The following PHAF1 variants were observed in gnomAD, a reference collection of about 807,000 sequenced individuals.
PHAF1 encodes the protein phagosome assembly factor 1.
Under a neutral mutation model 63.1 loss-of-function variants are expected in PHAF1, and 23 were observed. That is an observed-to-expected ratio of 0.36 (90% CI 0.26 to 0.52). The LOEUF (loss-of-function observed/expected upper bound fraction) is 0.52. Ranked by LOEUF, PHAF1 falls within the 20% of genes least tolerant of loss-of-function variation. The pLI, the probability that PHAF1 is intolerant of heterozygous loss-of-function variation, is 0.93. For missense variants in PHAF1, 427 were observed against 517.2 expected, an observed-to-expected ratio of 0.83 and a Z score of 1.69; for synonymous variants, 167 against 185.0, an observed-to-expected ratio of 0.90 and a Z score of 0.79.
At chr16:67,129,919 A>G (rs144176468) in intron 3 of PHAF1, among the ~76,000 whole-genome samples, 22 of 152,334 alleles carry the variant, frequency 1.4e-4, no homozygotes, top group Non-Finnish European at 2.8e-4. Context: ...GATCCTCTTC[A>G]TCAGGGACAT....
At chr16:67,146,438 G>A (rs2030082149) in intron 15 of PHAF1, 88 bp downstream of exon 15, 3 of 1,357,976 alleles carry the variant, frequency 2.2e-6, no homozygotes, top group Non-Finnish European at 2.1e-6. Flanking sequence ...AATTGGGGAG[G>A]GCATCACTGC....
intron 1 of PHAF1, among the ~76,000 whole-genome samples, chr16:67,117,086 G>A (rs894895361): frequency 2.6e-5 from 4 of 151,614 alleles, no homozygotes; most frequent in Admixed American, 6.6e-5. Flanking sequence ...AAGTTGGAGC[G>A]CAGTGGCACG....
intron 1 of PHAF1, among the ~76,000 whole-genome samples, chr16:67,114,592 G>A (rs1468651841): frequency 6.6e-6 from 1 of 151,756 alleles, no homozygotes; most frequent in Non-Finnish European, 1.5e-5. Flanking sequence ...AGGAGAAAAG[G>A]TAGATGATGT....
At chr16:67,146,454 T>C (rs2030085341) in intron 15 of PHAF1, 104 bp downstream of exon 15, 1 of 1,196,758 alleles carries the variant, frequency 8.4e-7, no homozygotes, top group Non-Finnish European at 1.2e-6. Context: ...ACTGCCATAG[T>C]GGGCAGATTC....
intron 2 of PHAF1, among the ~76,000 whole-genome samples, chr16:67,121,028 CAG>C (rs1962947043): frequency 6.6e-6 from 1 of 152,150 alleles, no homozygotes; most frequent in Non-Finnish European, 1.5e-5. Context: ...ACCCCTCTAC[CAG>C]CCTAGTGAGA....
At chr16:67,124,929 C>A (rs1963128141) in intron 2 of PHAF1, among the ~76,000 whole-genome samples, 1 of 151,564 alleles carries the variant, frequency 6.6e-6, no homozygotes, top group African/African-American at 2.4e-5. Context: ...GTAACTAAAC[C>A]TTTTGAGCAG....
chr16:67,117,543 C>T (rs1186035767), intron 1 of PHAF1, among the ~76,000 whole-genome samples: 6 of 150,872 alleles, frequency 4.0e-5, no homozygotes, highest in Admixed American at 3.3e-4. Context: ...TTTGGGAGGC[C>T]GAGGCGGTGG....
Position 67,109,976 on chromosome 16 carries a change from C to T in PHAF1, c.-200C>T, listed in dbSNP as rs1962436606. On this transcript the variant is annotated 5_prime_UTR_variant, in exon 1 of 16. Transcript: ENST00000219139. ...CCGCCGCCGTCGTTGCCCCCGCTGC[C>T]GCGGCTGCTGCAGGTGAGGTGAAGT... 2 of 535,234 alleles carry T rather than the reference C, an allele frequency of 3.7e-6. No homozygotes were observed. The highest frequency in any genetic ancestry group is 3.3e-5 in the East Asian group (1 of 30,372). 33.2% of individuals were successfully genotyped at this position (535,234 alleles called of 1,614,324 possible).
intron 1 of PHAF1, among the ~76,000 whole-genome samples, chr16:67,118,135 T>A (rs1217314454): frequency 6.8e-6 from 1 of 146,966 alleles, no homozygotes; most frequent in African/African-American, 2.5e-5. Flanking sequence ...TTTTTTTTTT[T>A]TTTTTTTTTT....
Position 67,145,403 on chromosome 16 carries a change from G to A in PHAF1, c.1034G>A (p.Cys345Tyr). Reference sequence around the variant, plus strand: ...AACGCAGATGGTCAGACAGAAACATGCACGACCTACAGCAAGGTGAGCACC... The same window carrying A: ...AACGCAGATGGTCAGACAGAAACATACACGACCTACAGCAAGGTGAGCACC... ...KENADGQTET[C>Y]TTYSKWDNIQ... Residue 345 changes from cysteine (C) to tyrosine (Y), a missense_variant, in exon 13 of 16, where the codon TGC (cysteine) becomes TAC (tyrosine). Coordinates refer to ENST00000219139, the MANE Select transcript of PHAF1 (RefSeq NM_025187.5). 2 of 1,614,122 alleles carry A rather than the reference G, an allele frequency of 1.2e-6. No individual in the cohort carries two copies. Among genetic ancestry groups the A allele is most frequent in the Middle Eastern group, 3.3e-4 (2 of 6,062 alleles).
chr16:67,133,581 C>T (rs539348940), intron 6 of PHAF1, among the ~76,000 whole-genome samples: 1 of 151,314 alleles, frequency 6.6e-6, no homozygotes, highest in Non-Finnish European at 1.5e-5. Flanking sequence ...CCGAGGCGGG[C>T]CTCCTGGCTA....
At chr16:67,133,426 G>A (rs183175219) in intron 6 of PHAF1, among the ~76,000 whole-genome samples, 4 of 151,602 alleles carry the variant, frequency 2.6e-5, no homozygotes, top group Middle Eastern at 3.4e-3. Flanking sequence ...AGGCCAAGGC[G>A]GGCGGATGAC....
chr16:67,122,593 G>A (rs925252715), intron 2 of PHAF1, among the ~76,000 whole-genome samples: 4 of 151,344 alleles, frequency 2.6e-5, no homozygotes, highest in African/African-American at 9.7e-5. Context: ...AAAAAAAATG[G>A]GTTTTTGAGT....
In PHAF1 at chr16:67,147,585, G is replaced by A. The variant is rs143005399; in HGVS notation, c.*454G>A. 1.6e-3 allele frequency: 259 copies of A among 159,390 alleles called. 1 individual carries two copies. The highest frequency in any genetic ancestry group is 5.8e-3 in the African/African-American group (242 of 41,822). The allele number at this position is 159,390 out of a possible 1,614,324, so 9.9% of individuals were successfully genotyped here. ...TAGCGTGTCCATAGTACTTGGTTGC[G>A]ACATTTGCACTACATCCACTTTAGT... is the stretch of plus-strand genomic sequence containing the variant. On this transcript the variant is annotated 3_prime_UTR_variant, in exon 16 of 16. Coordinates refer to ENST00000219139, the MANE Select transcript of PHAF1 (RefSeq NM_025187.5).
At chr16:67,121,122 C>T (rs987336699) in intron 2 of PHAF1, among the ~76,000 whole-genome samples, 4 of 152,072 alleles carry the variant, frequency 2.6e-5, no homozygotes, top group Non-Finnish European at 1.5e-5. Context: ...TATGACAGAA[C>T]AGGAGACTTG....
At position 67,147,257 on chromosome 16, in the gene PHAF1, C is replaced by G. The variant is rs772886766; in HGVS notation, c.*126C>G. ...AGTGCTGAAGGGCTGTTGTGATGTTCTGAGGTTGGGCTCAGGCTGGGTGCT... is the reference window on the plus strand; with the variant it reads ...AGTGCTGAAGGGCTGTTGTGATGTTGTGAGGTTGGGCTCAGGCTGGGTGCT... On this transcript the variant is annotated 3_prime_UTR_variant, in exon 16 of 16. Coordinates refer to ENST00000219139, the MANE Select transcript of PHAF1 (RefSeq NM_025187.5). 1.9e-5 allele frequency: 18 copies of G among 923,850 alleles called. No homozygotes were observed. In the African/African-American group the frequency reaches 2.6e-4, roughly 14 times the overall value. 57.2% of individuals were successfully genotyped at this position (923,850 alleles called of 1,614,324 possible).
At chr16:67,146,467 C>A in intron 15 of PHAF1, 117 bp downstream of exon 15, 2 of 1,057,260 alleles carry the variant, frequency 1.9e-6, no homozygotes, top group Non-Finnish European at 1.5e-6. Context: ...GCAGATTCAT[C>A]CTTCTTCAGC....
At chr16:67,126,137 T>C (rs1597196688) in intron 3 of PHAF1, 95 bp downstream of exon 3, 1 of 950,660 alleles carries the variant, frequency 1.1e-6, no homozygotes, top group Non-Finnish European at 1.7e-6. Context: ...TCAAAACTTA[T>C]AAGTAGGTGT....
intron 9 of PHAF1, 114 bp from the exon 10 acceptor site, chr16:67,140,397 C>A: frequency 1.0e-6 from 1 of 1,002,644 alleles, no homozygotes; most frequent in Non-Finnish European, 1.5e-6. Flanking sequence ...ACTCCCCACT[C>A]TTGCTTGTTC....
Sources: allele counts gnomAD v4.1 joint callset (sites outside exome capture counted in the v4.1 genomes callset), GRCh38; gene constraint gnomAD v4.1.1; transcripts MANE v1.5; gene names NCBI Gene and HGNC (gene_info 2026-07-23, HGNC 2026-07-21).